Variants in PTPN3 observed in about 807,000 individuals in gnomAD.
PTPN3 encodes protein tyrosine phosphatase non-receptor type 3.
PTPN3 carries 96 observed loss-of-function variants against 132.7 expected under a neutral mutation model. The observed-to-expected ratio is 0.72, with a 90% CI of 0.61 to 0.86. The LOEUF (loss-of-function observed/expected upper bound fraction) is 0.86. Among genes scored for constraint, PTPN3 ranks in the 40% least tolerant of loss-of-function variants. The probability of loss-of-function intolerance (pLI) is 0.00; values close to 1 mark genes in which losing one functional copy is unlikely to be tolerated. For synonymous variants in PTPN3, 398 were observed against 429.0 expected, an observed-to-expected ratio of 0.93 and a Z score of 0.89; for missense variants, 1,125 against 1,159.6, an observed-to-expected ratio of 0.97 and a Z score of 0.43.
rs1846814886 is a variant in PTPN3 at position 109,478,812 on chromosome 9, C to G, written c.-17-15361G>C. ...CCAGGAGAGAGCCCACACTCACCATCTTACTGGACTCTCACATCAAAAGAG... is the reference window on the plus strand; with the variant it reads ...CCAGGAGAGAGCCCACACTCACCATGTTACTGGACTCTCACATCAAAAGAG... On this transcript the variant is annotated intron_variant, in intron 1 of 25. Coordinates refer to ENST00000374541, the MANE Select transcript of PTPN3 (RefSeq NM_002829.4). Among the ~76,000 whole-genome samples the G allele has an allele frequency of 1.3e-5, 2 of 152,238 alleles. 1 individual carries two copies. The highest frequency in any genetic ancestry group is 4.1e-4 in the South Asian group (2 of 4,828).
At chr9:109,440,947 G>A (rs913307794) in intron 7 of PTPN3, among the ~76,000 whole-genome samples, 12 of 152,116 alleles carry the variant, frequency 7.9e-5, no homozygotes, top group African/African-American at 2.9e-4. Flanking sequence ...CAAAACACTG[G>A]GCGGTTTCAC....
chr9:109,534,023 C>A, the PTPN3 span: 1 of 768,710 alleles, frequency 1.3e-6, no homozygotes, highest in South Asian at 1.4e-5. Context: ...TCCATTTCTA[C>A]ACTGCGAAGG....
the PTPN3 span, among the ~76,000 whole-genome samples, chr9:109,507,199 TA>T: frequency 6.6e-6 from 1 of 152,098 alleles, no homozygotes; most frequent in Non-Finnish European, 1.5e-5. Flanking sequence ...TGGATAAGGA[TA>T]AAAGAAAAGG....
chr9:109,477,176 T>TGGTAAACG (rs1846713064), intron 1 of PTPN3, among the ~76,000 whole-genome samples: 1 of 152,088 alleles, frequency 6.6e-6, no homozygotes, highest in African/African-American at 2.4e-5. Flanking sequence ...TCACTGGAGG[T>TGGTAAACG]GGTAAACGGA....
At chr9:109,380,321 T>A (rs1002987805) in intron 25 of PTPN3, among the ~76,000 whole-genome samples, 7 of 152,114 alleles carry the variant, frequency 4.6e-5, no homozygotes, top group Non-Finnish European at 1.0e-4. Context: ...AGTGGCGTAA[T>A]CTTGGCTCAC....
intron 21 of PTPN3, among the ~76,000 whole-genome samples, chr9:109,390,763 C>T (rs1432175364): frequency 1.3e-5 from 2 of 151,778 alleles, no homozygotes; most frequent in Non-Finnish European, 2.9e-5. Context: ...TTATTTTTCT[C>T]ATTTTTTTTT....
chr9:109,376,589 C>G lies in PTPN3; in HGVS notation c.*2967G>C, dbSNP rs1302860963. ...GGATCTCTCATCTTGATTAAATTGG[C>G]ACATCAACATGTTTAATTAGATCTT... On this transcript the variant is annotated 3_prime_UTR_variant, in exon 26 of 26. Coordinates refer to ENST00000374541, the MANE Select transcript of PTPN3 (RefSeq NM_002829.4). The G allele has an allele frequency of 6.6e-6, 1 of 152,272 alleles. No homozygotes were observed. The highest frequency in any genetic ancestry group is 2.4e-5 in the African/African-American group (1 of 41,546). 9.4% of individuals were successfully genotyped at this position (152,272 alleles called of 1,614,324 possible). A position where few individuals can be genotyped will look rare whatever the true frequency, so the allele number is the denominator to read the frequency against.
At chr9:109,475,418 G>C (rs758094558) in intron 1 of PTPN3, among the ~76,000 whole-genome samples, 2 of 152,164 alleles carry the variant, frequency 1.3e-5, no homozygotes, top group South Asian at 2.1e-4. Context: ...GGAGATGAGG[G>C]ACTATAACAA....
chr9:109,520,777 A>G, the PTPN3 span, among the ~76,000 whole-genome samples: 2 of 152,208 alleles, frequency 1.3e-5, no homozygotes, highest in Non-Finnish European at 2.9e-5. Context: ...AGAAGGCCAC[A>G]ATGTCACTAA....
chr9:109,475,898 C>G (rs992868775), intron 1 of PTPN3, among the ~76,000 whole-genome samples: 1 of 152,168 alleles, frequency 6.6e-6, no homozygotes, highest in Middle Eastern at 3.2e-3. Flanking sequence ...CAGAGAAACC[C>G]AATCCTCACC....
intron 1 of PTPN3, among the ~76,000 whole-genome samples, chr9:109,463,928 C>T (rs533612416): frequency 8.5e-5 from 13 of 152,242 alleles, no homozygotes; most frequent in South Asian, 8.3e-4. Flanking sequence ...AGGAGATAGT[C>T]GCAATATATA....
chr9:109,426,828 A>G, intron 12 of PTPN3, 122 bp downstream of exon 12: 1 of 1,101,112 alleles, frequency 9.1e-7, no homozygotes, highest in Non-Finnish European at 1.3e-6. Flanking sequence ...TCAGAGATCC[A>G]ATGCCTGGAG....
chr9:109,445,315 G>A (rs1231530785), intron 6 of PTPN3, 23 bp from the exon 7 acceptor site: 3 of 1,603,586 alleles, frequency 1.9e-6, no homozygotes, highest in South Asian at 2.2e-5. Context: ...AAACATATTA[G>A]CAAAGTCACA....
At chr9:109,442,664 G>C (rs1028587385) in intron 7 of PTPN3, among the ~76,000 whole-genome samples, 9 of 152,160 alleles carry the variant, frequency 5.9e-5, no homozygotes, top group Admixed American at 1.3e-4. Context: ...GCTTTCTTCT[G>C]GGCAGACATG....
intron 18 of PTPN3, among the ~76,000 whole-genome samples, chr9:109,405,283 G>A (rs955668957): frequency 1.3e-5 from 2 of 152,196 alleles, no homozygotes; most frequent in African/African-American, 2.4e-5. Context: ...GCCTCACGGA[G>A]GAGGTGGGGT....
chr9:109,537,490 C>A, the PTPN3 span, among the ~76,000 whole-genome samples: 1 of 151,552 alleles, frequency 6.6e-6, no homozygotes, highest in African/African-American at 2.4e-5. Flanking sequence ...TCTTGTCCAT[C>A]CATTCCGGGT....
chr9:109,380,214 AATCT>A (rs55963327), intron 25 of PTPN3, among the ~76,000 whole-genome samples: 19,215 of 145,800 alleles, frequency 0.13, 1,311 homozygotes, highest in South Asian at 0.17. Context: ...CAGCTAGGAA[AATCT>A]ATCTATCTAT....
At chr9:109,425,250 G>A (rs1843162477) in intron 12 of PTPN3, among the ~76,000 whole-genome samples, 1 of 152,148 alleles carries the variant, frequency 6.6e-6, no homozygotes, top group Non-Finnish European at 1.5e-5. Flanking sequence ...TACTTATTCA[G>A]TTTACAAGTT....
At chr9:109,475,018 G>C (rs1427891531) in intron 1 of PTPN3, among the ~76,000 whole-genome samples, 1 of 152,148 alleles carries the variant, frequency 6.6e-6, no homozygotes, top group Non-Finnish European at 1.5e-5. Context: ...GGTCCCAAAG[G>C]TTCAATGGGT....
Sources: allele counts gnomAD v4.1 joint callset (sites outside exome capture counted in the v4.1 genomes callset), GRCh38; gene constraint gnomAD v4.1.1; transcripts MANE v1.5; gene names NCBI Gene and HGNC (gene_info 2026-07-23, HGNC 2026-07-21).